CACNA1D: variants seen among roughly 807,000 people sequenced by gnomAD.
CACNA1D encodes voltage-dependent L-type calcium channel subunit alpha-1D.
CACNA1D carries 55 observed loss-of-function variants against 257.1 expected under a neutral mutation model. The ratio of observed to expected loss-of-function variants is 0.21; its 90% CI spans 0.17 to 0.27. The LOEUF (loss-of-function observed/expected upper bound fraction) is 0.27. Among genes scored for constraint, CACNA1D ranks in the 10% least tolerant of loss-of-function variants. The pLI is 1.00. For synonymous variants in CACNA1D, 980 were observed against 1,014.9 expected (o/e 0.97, Z 0.65); for missense variants, 1,876 against 2,784.0 (o/e 0.67, Z 7.34).
intron 3 of CACNA1D, among the ~76,000 whole-genome samples, chr3:53,585,484 G>A (rs2093199292): frequency 6.6e-6 from 1 of 152,134 alleles, no homozygotes; most frequent in African/African-American, 2.4e-5. Context: ...GTTGAGGCCA[G>A]GTTTGAATCT....
intron 3 of CACNA1D, among the ~76,000 whole-genome samples, chr3:53,552,952 G>C (rs2092564987): frequency 6.6e-6 from 1 of 152,186 alleles, no homozygotes; most frequent in African/African-American, 2.4e-5. Context: ...GGACAGAATT[G>C]AAGGCAGGCT....
At chr3:53,600,598 A>C (rs752540874) in intron 3 of CACNA1D, among the ~76,000 whole-genome samples, 1 of 152,214 alleles carries the variant, frequency 6.6e-6, no homozygotes, top group African/African-American at 2.4e-5. Context: ...TTCCATTTCA[A>C]CTATTACTCA....
At chr3:53,755,213 C>T (rs1283899249) in intron 29 of CACNA1D, among the ~76,000 whole-genome samples, 1 of 152,230 alleles carries the variant, frequency 6.6e-6, no homozygotes. Context: ...CTCTGTGGAA[C>T]ATTTCCCAGA....
rs2095598691 is a variant in CACNA1D at position 53,811,097 on chromosome 3, CCT to C, written c.6193-13_6193-12del. On this transcript the variant is annotated splice_polypyrimidine_tract_variant and intron_variant, in intron 47 of 47. Transcript: ENST00000350061. This position sits in a 1 kb window ranked among gnomAD's most constrained non-coding sequence, Gnocchi z 4.2. ...TTATAACACCCCCATGCCATCCATC[CCT>C]CTTTTCTGTACAGGTCCTGATATCC... 2 of 1,610,972 alleles carry C rather than the reference CCT, an allele frequency of 1.2e-6. No individual in the cohort carries two copies. Among genetic ancestry groups the C allele is most frequent in the Middle Eastern group, 3.3e-4 (2 of 6,056 alleles).
At chr3:53,761,953 A>G in intron 29 of CACNA1D, 45 bp from the exon 30 acceptor site, 1 of 1,348,138 alleles carries the variant, frequency 7.4e-7, no homozygotes, top group African/African-American at 1.4e-5. Context: ...GTGGTGGGTC[A>G]TTCATACATG....
intron 3 of CACNA1D, among the ~76,000 whole-genome samples, chr3:53,578,331 A>G (rs747207873): frequency 3.6e-4 from 54 of 152,070 alleles, no homozygotes; most frequent in Non-Finnish European, 6.8e-4. Context: ...TGTTGGGGGC[A>G]GAGTGGGGTG....
chr3:53,786,729 C>CCAAA, intron 39 of CACNA1D, 93 bp from the exon 40 acceptor site: 1 of 478,720 alleles, frequency 2.1e-6, no homozygotes, highest in Non-Finnish European at 4.0e-6. Context: ...CCGCCCCACT[C>CCAAA]TGCCCCTGCC....
intron 4 of CACNA1D, 30 bp downstream of exon 4, chr3:53,650,948 G>T: frequency 6.5e-7 from 1 of 1,545,754 alleles, no homozygotes; most frequent in Non-Finnish European, 8.9e-7. Context: ...GGGAAATGTT[G>T]ATTTGGAAAA....
chr3:53,798,058 A>G (rs887132836), intron 40 of CACNA1D: 3 of 152,214 alleles, frequency 2.0e-5, no homozygotes, highest in Non-Finnish European at 4.4e-5. Context: ...TTAGCTCACC[A>G]TCCCTTGATG....
intron 3 of CACNA1D, among the ~76,000 whole-genome samples, chr3:53,575,284 CAG>C (rs1446465042): frequency 7.9e-5 from 12 of 152,062 alleles, no homozygotes; most frequent in Admixed American, 5.2e-4. Flanking sequence ...AGGTCAAGGT[CAG>C]GGGAGAGTTC....
chr3:53,675,838 A>G (rs2094370405), intron 8 of CACNA1D, among the ~76,000 whole-genome samples: 1 of 152,230 alleles, frequency 6.6e-6, no homozygotes, highest in African/African-American at 2.4e-5. Flanking sequence ...ATTATAAAAG[A>G]AAACCCGAGA....
chr3:53,541,726 A>G (rs1398851159), intron 3 of CACNA1D, among the ~76,000 whole-genome samples: 4 of 152,136 alleles, frequency 2.6e-5, no homozygotes, highest in Admixed American at 2.6e-4. Flanking sequence ...GGAATAGTGA[A>G]CACCGTGAGG....
chr3:53,696,743 T>A (rs954782721), intron 8 of CACNA1D, among the ~76,000 whole-genome samples: 1 of 152,090 alleles, frequency 6.6e-6, no homozygotes. Flanking sequence ...CTCACAGGGT[T>A]GCGGAATTGA....
At chr3:53,529,965 T>C (rs993267250) in intron 3 of CACNA1D, among the ~76,000 whole-genome samples, 5 of 152,196 alleles carry the variant, frequency 3.3e-5, no homozygotes, top group African/African-American at 1.2e-4. Flanking sequence ...ATGGGTCAGC[T>C]AGTACTGACC....
chr3:53,549,083 C>T (rs570821084), intron 3 of CACNA1D, among the ~76,000 whole-genome samples: 2 of 152,290 alleles, frequency 1.3e-5, no homozygotes, highest in East Asian at 3.9e-4. Context: ...TGTTTTACAG[C>T]ACTTAGCGGG....
rs777269334 is a variant in CACNA1D at position 53,745,874 on chromosome 3, A to G, written c.3166A>G (p.Arg1056Gly). The change falls in exon 25 of 48, where the codon AGG (arginine) becomes GGG (glycine). Residue 1056 changes from arginine (R) to glycine (G), a missense_variant and splice_region_variant. Coordinates refer to ENST00000350061, the MANE Select transcript of CACNA1D (RefSeq NM_001128840.3). ...DEAKSNPEEC[R>G]GLFILYKDGD... ...AGCCAAAAGTAACCCTGAAGAATGC[A>G]GGTGAGCGTCCTGAGAGTGGAGTAG... 3.1e-6 allele frequency: 5 copies of G among 1,612,474 alleles called. No individual in the cohort carries two copies. Among genetic ancestry groups the G allele is most frequent in the Non-Finnish European group, 4.2e-6 (5 of 1,178,484 alleles).
Position 53,638,583 on chromosome 3 carries a change from G to A in CACNA1D, c.484-12196G>A, listed in dbSNP as rs561712007. Among the ~76,000 whole-genome samples the A allele has an allele frequency of 3.6e-4, 55 of 152,316 alleles. No individual in the cohort carries two copies. In the South Asian group the frequency reaches 0.011, roughly 31 times the overall value. On this transcript the variant is annotated intron_variant, in intron 3 of 47. Transcript: ENST00000350061. ...ACACTGGCTCTTGTTTACATAGGCT[G>A]CCTCATTTGCACTTACCAACAAACC...
chr3:53,638,453 G>GTGGTGGC (rs1312014335), intron 3 of CACNA1D, among the ~76,000 whole-genome samples: 1 of 152,206 alleles, frequency 6.6e-6, no homozygotes, highest in Non-Finnish European at 1.5e-5. Context: ...CTGTTCCTGG[G>GTGGTGGC]TGGTGGCTGG....
intron 16 of CACNA1D, 64 bp from the exon 17 acceptor site, chr3:53,731,013 T>G: frequency 3.0e-6 from 3 of 985,234 alleles, no homozygotes; most frequent in Non-Finnish European, 4.8e-6. Flanking sequence ...AGAATCCTGA[T>G]TAGCATTTTT....
Sources: gnomAD v4.1 joint callset for allele counts (sites outside exome capture counted in the v4.1 genomes callset) on GRCh38, gnomAD v4.1.1 for gene constraint, Gnocchi (gnomAD v3.1) non-coding constraint, MANE v1.5 for transcripts, NCBI Gene and HGNC (gene_info 2026-07-23, HGNC 2026-07-21) for gene names.